KLF8: variants seen among roughly 807,000 people sequenced by gnomAD.
The protein encoded by KLF8 is Krueppel-like factor 8.
KLF8 carries 10 observed loss-of-function variants against 18.2 expected under a neutral mutation model. That is an observed-to-expected ratio of 0.55 (90% CI 0.34 to 0.93). The LOEUF (loss-of-function observed/expected upper bound fraction) is 0.93, where lower values mean the gene tolerates loss of function less well. KLF8 is among the 40% of genes least tolerant of loss of function. The pLI, the probability that KLF8 is intolerant of heterozygous loss-of-function variation, is 0.02. For synonymous variants in KLF8, 109 were observed against 97.3 expected (o/e 1.12, Z -0.71); for missense variants, 264 against 277.9 (o/e 0.95, Z 0.36).
At chrX:55,920,070 A>G in the KLF8 span, among the ~76,000 whole-genome samples, 3 of 112,338 alleles carry the variant, frequency 2.7e-5, no homozygotes, top group East Asian at 8.4e-4. Flanking sequence ...ACAAGACCTG[A>G]AGATGAATCA....
chrX:56,096,201 C>T, the KLF8 span, among the ~76,000 whole-genome samples: 1 of 111,404 alleles, frequency 9.0e-6, no homozygotes, highest in South Asian at 3.7e-4. Flanking sequence ...AAACAGAGCG[C>T]CAAATACTAC....
chrX:56,123,299 G>GAAAGAAAGAAAGAA, the KLF8 span, among the ~76,000 whole-genome samples: 3 of 102,842 alleles, frequency 2.9e-5, no homozygotes, highest in African/African-American at 1.1e-4. Flanking sequence ...AAGAAAGAAA[G>GAAAGAAAGAAAGAA]AGAAAGAAAG....
chrX:56,002,417 A>ATGTGTGTG, the KLF8 span, among the ~76,000 whole-genome samples: 2 of 92,640 alleles, frequency 2.2e-5, no homozygotes, highest in Non-Finnish European at 4.1e-5. Flanking sequence ...ATTTGTGTGT[A>ATGTGTGTG]TGTGTGTGTG....
the KLF8 span, among the ~76,000 whole-genome samples, chrX:56,005,606 C>T: frequency 8.9e-6 from 1 of 112,433 alleles, no homozygotes; most frequent in Non-Finnish European, 1.9e-5. Flanking sequence ...GGCTTGGTTG[C>T]AAATGTTTGT....
the KLF8 span, among the ~76,000 whole-genome samples, chrX:55,921,556 G>A: frequency 0.15 from 15,434 of 101,432 alleles, 1,999 homozygotes; most frequent in African/African-American, 0.43. Flanking sequence ...GCATAGGCAT[G>A]GGCAAAGATT....
chrX:55,980,468 G>A, the KLF8 span, among the ~76,000 whole-genome samples: 267 of 111,514 alleles, frequency 2.4e-3, 1 homozygote, highest in South Asian at 6.6e-3. Context: ...GAGTTTGAGA[G>A]GCATCTGTGT....
At chrX:56,049,764 A>G in the KLF8 span, among the ~76,000 whole-genome samples, 2 of 110,640 alleles carry the variant, frequency 1.8e-5, no homozygotes, top group African/African-American at 3.3e-5. Flanking sequence ...TTTGGTATCA[A>G]AATGATGCTG....
chrX:56,269,640 A>C, intron 4 of KLF8, 151 bp downstream of exon 4: 1 of 959,589 alleles, frequency 1.0e-6, no homozygotes, highest in Non-Finnish European at 1.3e-6. Context: ...CTTTCCAGTG[A>C]AAGTATATGA....
At chrX:56,207,727 C>A in the KLF8 span, among the ~76,000 whole-genome samples, 1 of 110,436 alleles carries the variant, frequency 9.1e-6, no homozygotes, top group Admixed American at 9.8e-5. Flanking sequence ...CTTCTGATTC[C>A]TCCAAGCTGT....
chrX:55,925,991 T>A, the KLF8 span, among the ~76,000 whole-genome samples: 1 of 111,984 alleles, frequency 8.9e-6, no homozygotes, highest in African/African-American at 3.2e-5. Context: ...TCAAGCATTA[T>A]CCTTTGTGTT....
chrX:56,069,919 A>G, the KLF8 span, among the ~76,000 whole-genome samples: 8 of 112,801 alleles, frequency 7.1e-5, no homozygotes, highest in Non-Finnish European at 1.1e-4. Flanking sequence ...CCAAAGGATT[A>G]TCAATCATTC....
At chrX:55,966,099 G>A in the KLF8 span, among the ~76,000 whole-genome samples, 2 of 112,458 alleles carry the variant, frequency 1.8e-5, no homozygotes, top group Non-Finnish European at 3.8e-5. Context: ...TGTGGCTTGA[G>A]TGCCAGCTTA....
At chrX:55,914,149 A>G in the KLF8 span, among the ~76,000 whole-genome samples, 1 of 111,734 alleles carries the variant, frequency 8.9e-6, no homozygotes, top group Non-Finnish European at 1.9e-5. Context: ...AAGAATAATA[A>G]CTCAAATATG....
chrX:55,990,637 A>G, the KLF8 span, among the ~76,000 whole-genome samples: 1 of 111,452 alleles, frequency 9.0e-6, no homozygotes, highest in Admixed American at 9.5e-5. Flanking sequence ...GGTTTTATCT[A>G]CATTTGGTCT....
chrX:56,128,545 A>G, the KLF8 span, among the ~76,000 whole-genome samples: 2 of 111,750 alleles, frequency 1.8e-5, no homozygotes, highest in African/African-American at 6.5e-5. Flanking sequence ...CAATAGAAAA[A>G]AAGTAGAAAA....
At chrX:56,191,218 A>G in the KLF8 span, among the ~76,000 whole-genome samples, 1 of 111,987 alleles carries the variant, frequency 8.9e-6, no homozygotes, top group South Asian at 3.7e-4. Context: ...AATGAAAAGG[A>G]TAAATTGCTA....
chrX:56,163,670 G>A, the KLF8 span, among the ~76,000 whole-genome samples: 1 of 111,528 alleles, frequency 9.0e-6, no homozygotes, highest in Non-Finnish European at 1.9e-5. Flanking sequence ...CTAAATCTTT[G>A]CCCACTCCTA....
At chrX:55,997,923 T>C in the KLF8 span, among the ~76,000 whole-genome samples, 2 of 110,589 alleles carry the variant, frequency 1.8e-5, no homozygotes, top group Admixed American at 1.9e-4. Context: ...CCCGCCAGCC[T>C]CTGAGTCCCC....
chrX:56,269,016 A>G, intron 3 of KLF8: 1 of 895,252 alleles, frequency 1.1e-6, no homozygotes, highest in Non-Finnish European at 1.4e-6. Flanking sequence ...ACACACACAC[A>G]CACACACACA....
Sources: gnomAD v4.1 joint callset for allele counts (sites outside exome capture counted in the v4.1 genomes callset) on GRCh38, gnomAD v4.1.1 for gene constraint, MANE v1.5 for transcripts, NCBI Gene and HGNC (gene_info 2026-07-23, HGNC 2026-07-21) for gene names.